Variants in DCLK1 observed in about 807,000 individuals in gnomAD.
DCLK1 encodes the protein serine/threonine-protein kinase DCLK1.
In DCLK1, 16 loss-of-function variants were observed where a neutral mutation model predicts 86.2. That is an observed-to-expected ratio of 0.19 (90% CI 0.13 to 0.28). The LOEUF (loss-of-function observed/expected upper bound fraction) is 0.28. Among genes scored for constraint, DCLK1 ranks in the 10% least tolerant of loss-of-function variants. The pLI is 1.00. For synonymous variants in DCLK1, 369 were observed against 370.5 expected, an observed-to-expected ratio of 1.00 and a Z score of 0.05; for missense variants, 590 against 940.2, an observed-to-expected ratio of 0.63 and a Z score of 4.87.
intron 3 of DCLK1, among the ~76,000 whole-genome samples, chr13:36,092,853 T>G (rs1397928171): frequency 1.3e-5 from 2 of 152,126 alleles, no homozygotes; most frequent in Non-Finnish European, 2.9e-5. Flanking sequence ...TCCAATCAGT[T>G]ACTAAATTCT....
intron 6 of DCLK1, chr13:35,848,556 A>G (rs1232757174): frequency 2.0e-6 from 2 of 985,212 alleles, no homozygotes; most frequent in African/African-American, 3.5e-5. Flanking sequence ...TCTATCGGCA[A>G]TTAGTACAAG....
At chr13:35,971,410 G>T (rs1879052686) in intron 3 of DCLK1, among the ~76,000 whole-genome samples, 1 of 152,180 alleles carries the variant, frequency 6.6e-6, no homozygotes, top group South Asian at 2.1e-4. Flanking sequence ...AGAGCTTGAT[G>T]ACACTCCCCT....
chr13:36,112,437 T>G (rs1885649545), intron 2 of DCLK1, among the ~76,000 whole-genome samples: 1 of 152,122 alleles, frequency 6.6e-6, no homozygotes, highest in African/African-American at 2.4e-5. Context: ...AACAAAACAT[T>G]ATTCCTCCAT....
chr13:36,092,421 T>A (rs543687637), intron 3 of DCLK1, among the ~76,000 whole-genome samples: 1 of 152,168 alleles, frequency 6.6e-6, no homozygotes, highest in African/African-American at 2.4e-5. Flanking sequence ...ATTATTTAAC[T>A]TTTAATATAA....
chr13:35,954,220 T>TA (rs975005648), intron 3 of DCLK1, among the ~76,000 whole-genome samples: 29 of 151,676 alleles, frequency 1.9e-4, no homozygotes, highest in African/African-American at 5.6e-4. Context: ...GCTTTTTTTT[T>TA]AAAAAAAAAT....
chr13:36,129,229 A>T (rs1204754289), intron 1 of DCLK1, among the ~76,000 whole-genome samples: 1 of 152,264 alleles, frequency 6.6e-6, no homozygotes, highest in East Asian at 1.9e-4. Context: ...AAGGCCAAAT[A>T]ATTTGGCAAT....
At chr13:35,917,068 A>G (rs1345921409) in intron 4 of DCLK1, among the ~76,000 whole-genome samples, 1 of 152,094 alleles carries the variant, frequency 6.6e-6, no homozygotes, top group African/African-American at 2.4e-5. Context: ...TTAACCCCCC[A>G]GTTCATGACA....
At chr13:35,916,710 C>T (rs775893442) in intron 4 of DCLK1, among the ~76,000 whole-genome samples, 1 of 152,166 alleles carries the variant, frequency 6.6e-6, no homozygotes, top group Non-Finnish European at 1.5e-5. Flanking sequence ...GATACACATG[C>T]ATGCATACAT....
intron 4 of DCLK1, among the ~76,000 whole-genome samples, chr13:35,893,091 G>A (rs1873739608): frequency 6.6e-6 from 1 of 152,208 alleles, no homozygotes; most frequent in African/African-American, 2.4e-5. Context: ...GAGCCCTGTA[G>A]TAATTGTTCA....
At chr13:35,848,237 T>C (rs1392950516) in intron 6 of DCLK1, 2 of 985,096 alleles carry the variant, frequency 2.0e-6, no homozygotes, top group South Asian at 9.4e-5. Context: ...AAGAATTCTA[T>C]AAGTAACTCA....
intron 4 of DCLK1, among the ~76,000 whole-genome samples, chr13:35,898,559 A>C (rs928729120): frequency 3.3e-5 from 5 of 152,200 alleles, no homozygotes; most frequent in Non-Finnish European, 5.9e-5. Context: ...TTGAAGGAAA[A>C]AAATTCAGTA....
At chr13:35,895,937 ATT>A (rs11313026) in intron 4 of DCLK1, among the ~76,000 whole-genome samples, 7,123 of 149,974 alleles carry the variant, frequency 0.047, 572 homozygotes, top group African/African-American at 0.16. Flanking sequence ...TTTTTTTATG[ATT>A]TTTTTTTTTG....
At chr13:35,936,962 C>CTTTTTTTTGTTTTTTTT (rs1876787859) in intron 4 of DCLK1, among the ~76,000 whole-genome samples, 1 of 65,712 alleles carries the variant, frequency 1.5e-5, no homozygotes, top group African/African-American at 5.3e-5. Flanking sequence ...GAAAAGTTAG[C>CTTTTTTTTGTTTTTTTT]TTTTTTTTTT....
At chr13:36,043,813 A>G (rs1382849361) in intron 3 of DCLK1, among the ~76,000 whole-genome samples, 1 of 152,224 alleles carries the variant, frequency 6.6e-6, no homozygotes, top group Admixed American at 6.5e-5. Context: ...AATATTGCAG[A>G]TGAACAAGTT....
At chr13:35,829,261 A>T (rs1868752812) in intron 8 of DCLK1, among the ~76,000 whole-genome samples, 1 of 152,186 alleles carries the variant, frequency 6.6e-6, no homozygotes, top group Non-Finnish European at 1.5e-5. Flanking sequence ...ATTGCTAAGA[A>T]ACTGTAGTGA....
chr13:35,841,812 AAGAT>A (rs1869814956), intron 6 of DCLK1, among the ~76,000 whole-genome samples: 1 of 152,220 alleles, frequency 6.6e-6, no homozygotes, highest in South Asian at 2.1e-4. Flanking sequence ...CCAAAGAAGT[AAGAT>A]AGTTAATACT....
rs540135934 is a variant in DCLK1 at position 35,984,021 on chromosome 13, A to T, written c.724-36564T>A. 2.0e-5 allele frequency among the ~76,000 whole-genome samples: 3 copies of T among 152,330 alleles called. No homozygotes were observed. The East Asian group carries it at 5.8e-4, about 29-fold the overall frequency. ...TTGAGCCTCCAGGCCTTCCACTATGAAATGGGGCCAACACCACTTACAGTG... is the reference window on the plus strand; with the variant it reads ...TTGAGCCTCCAGGCCTTCCACTATGTAATGGGGCCAACACCACTTACAGTG... On this transcript the variant is annotated intron_variant, in intron 3 of 16. Coordinates refer to ENST00000360631, the MANE Select transcript of DCLK1 (RefSeq NM_001330071.2).
chr13:36,052,989 C>G (rs1403010097), intron 3 of DCLK1, among the ~76,000 whole-genome samples: 2 of 152,126 alleles, frequency 1.3e-5, no homozygotes, highest in Non-Finnish European at 2.9e-5. Flanking sequence ...GCAGTCACTA[C>G]CTTGGGAAGT....
intron 3 of DCLK1, among the ~76,000 whole-genome samples, chr13:35,996,069 C>A (rs984401885): frequency 6.6e-6 from 1 of 152,118 alleles, no homozygotes; most frequent in Non-Finnish European, 1.5e-5. Context: ...TCTGGGATTA[C>A]AGGTGCCCAC....
Sources: gnomAD v4.1 joint callset for allele counts (sites outside exome capture counted in the v4.1 genomes callset) on GRCh38, gnomAD v4.1.1 for gene constraint, MANE v1.5 for transcripts, NCBI Gene and HGNC (gene_info 2026-07-23, HGNC 2026-07-21) for gene names.